The following CSMD1 variants were observed in gnomAD, a reference collection of about 807,000 sequenced individuals.
CSMD1 encodes CUB and Sushi multiple domains 1, also known as CUB and sushi domain-containing protein 1.
CSMD1 carries 213 observed loss-of-function variants against 417.5 expected under a neutral mutation model. The observed-to-expected ratio is 0.51, with a 90% CI of 0.46 to 0.57. CSMD1 has a LOEUF of 0.57. Ranked by LOEUF, CSMD1 falls within the 20% of genes least tolerant of loss-of-function variation. The probability of loss-of-function intolerance (pLI) is 0.00; values close to 1 mark genes in which losing one functional copy is unlikely to be tolerated. For missense variants in CSMD1, 6,923 were observed against 4,529.7 expected, an observed-to-expected ratio of 1.53 and a Z score of -15.17; for synonymous variants, 2,862 against 1,736.8, an observed-to-expected ratio of 1.65 and a Z score of -16.11.
intron 2 of CSMD1, among the ~76,000 whole-genome samples, chr8:4,535,812 T>C (rs1043161988): frequency 6.6e-6 from 1 of 152,196 alleles, no homozygotes; most frequent in Non-Finnish European, 1.5e-5. Context: ...ATTTTCCCTT[T>C]CTTTAAAGGA....
chr8:3,518,993 TGA>T (rs1797394091), intron 10 of CSMD1, among the ~76,000 whole-genome samples: 1 of 152,210 alleles, frequency 6.6e-6, no homozygotes, highest in Non-Finnish European at 1.5e-5. Flanking sequence ...GAAATATAAA[TGA>T]TCTGTTTTTA....
rs542374157 is a variant in CSMD1, at chr8:4,180,782, T to C, written c.416-148683A>G. On this transcript the variant is annotated intron_variant, in intron 3 of 69. Transcript: ENST00000635120. Reference sequence around the variant, plus strand: ...CTTATCTAACATTGTGTTAATCTAATATCTGTATGTCTTTGGTACAAGAGT... The same window carrying C: ...CTTATCTAACATTGTGTTAATCTAACATCTGTATGTCTTTGGTACAAGAGT... Among the ~76,000 whole-genome samples the C allele has an allele frequency of 3.1e-4, 47 of 152,268 alleles. 1 individual carries two copies. The highest frequency in any genetic ancestry group is 3.4e-3 in the Middle Eastern group (1 of 294).
chr8:4,903,343 T>G (rs150756392), intron 1 of CSMD1, among the ~76,000 whole-genome samples: 1,600 of 152,316 alleles, frequency 0.011, 7 homozygotes, highest in Non-Finnish European at 0.018. Flanking sequence ...CTTTGATAAG[T>G]AGCTCTTAAA....
chr8:3,539,763 T>TGA (rs376350423), intron 10 of CSMD1, among the ~76,000 whole-genome samples: 1 of 129,736 alleles, frequency 7.7e-6, no homozygotes, highest in Non-Finnish European at 1.7e-5. Flanking sequence ...TTCTTTATGA[T>TGA]AAAAAAAAAA....
rs200776459 is a variant in CSMD1 at position 3,411,954 on chromosome 8, A to G, written c.1562-2349T>C. 7.2e-3 allele frequency among the ~76,000 whole-genome samples: 345 copies of G among 48,172 alleles called. 21 individuals carry two copies. Among genetic ancestry groups the G allele is most frequent in the Middle Eastern group, 0.017 (1 of 58 alleles). 31.6% of individuals were successfully genotyped at this position (48,172 alleles called of 152,430 possible). Reference sequence around the variant, plus strand: ...TACACGTATATATGCACGTATATATACACGTATATATGCACGTATATATAC... The same window carrying G: ...TACACGTATATATGCACGTATATATGCACGTATATATGCACGTATATATAC... On this transcript the variant is annotated intron_variant, in intron 12 of 69. Coordinates refer to ENST00000635120, the MANE Select transcript of CSMD1 (RefSeq NM_033225.6).
At chr8:4,395,494 C>T (rs1219197901) in intron 3 of CSMD1, among the ~76,000 whole-genome samples, 1 of 151,562 alleles carries the variant, frequency 6.6e-6, no homozygotes, top group African/African-American at 2.4e-5. Context: ...TACAAATCTC[C>T]ACCCCTCACT....
chr8:4,428,691 G>A (rs558571346), intron 2 of CSMD1, among the ~76,000 whole-genome samples: 1 of 151,770 alleles, frequency 6.6e-6, no homozygotes, highest in Non-Finnish European at 1.5e-5. Flanking sequence ...AATAATCCAG[G>A]GTTCATTTTA....
In CSMD1 at chr8:3,348,120, G is replaced by A. The variant is rs375550858; in HGVS notation, c.3346C>T (p.Leu1116=). ...ASVKGNEGTL[L]SPNFPSNYDN... The stretch of plus-strand genomic sequence containing the variant: ...TAATTGGATGGAAAATTTGGAGACA[G>A]TAATGTTCCTTCATTTCCTTTGACA... The change falls in exon 22 of 70, where the codon CTG becomes TTG. Residue 1116 remains leucine, a synonymous_variant. Transcript: ENST00000635120. 5.3e-5 allele frequency: 85 copies of A among 1,612,372 alleles called. No individual in the cohort carries two copies. Among genetic ancestry groups the A allele is most frequent in the Non-Finnish European group, 6.3e-5 (74 of 1,179,204 alleles).
chr8:4,170,065 G>A (rs1163852410), intron 3 of CSMD1, among the ~76,000 whole-genome samples: 1 of 151,802 alleles, frequency 6.6e-6, no homozygotes. Context: ...CTCTAGGTAA[G>A]GAATTGTGGG....
At chr8:3,909,926 T>G (rs1327164684) in intron 5 of CSMD1, among the ~76,000 whole-genome samples, 1 of 152,108 alleles carries the variant, frequency 6.6e-6, no homozygotes, top group East Asian at 1.9e-4. Flanking sequence ...GGACTCTAAT[T>G]AGACAAGGAA....
chr8:3,460,970 A>T (rs907010631), intron 12 of CSMD1, among the ~76,000 whole-genome samples: 1 of 152,110 alleles, frequency 6.6e-6, no homozygotes, highest in Non-Finnish European at 1.5e-5. Flanking sequence ...CAGTAACAAT[A>T]AGTTTGTTCT....
chr8:3,404,010 T>C (rs1457955772), intron 15 of CSMD1, among the ~76,000 whole-genome samples: 1 of 152,170 alleles, frequency 6.6e-6, no homozygotes, highest in East Asian at 1.9e-4. Context: ...CCACAAATTG[T>C]TTTAACAATG....
intron 6 of CSMD1, among the ~76,000 whole-genome samples, chr8:3,727,244 G>T (rs1199010793): frequency 6.6e-6 from 1 of 152,126 alleles, no homozygotes; most frequent in Non-Finnish European, 1.5e-5. Context: ...ATCACAAGAG[G>T]AAAACTAACC....
intron 5 of CSMD1, among the ~76,000 whole-genome samples, chr8:3,941,219 G>C (rs546708605): frequency 1.3e-5 from 2 of 152,042 alleles, no homozygotes; most frequent in Non-Finnish European, 1.5e-5. Context: ...CAATTCAAAA[G>C]TTCCTAGCAA....
chr8:4,607,168 T>C (rs947133166), intron 2 of CSMD1, among the ~76,000 whole-genome samples: 1 of 152,170 alleles, frequency 6.6e-6, no homozygotes, highest in Non-Finnish European at 1.5e-5. Flanking sequence ...ACGATCCTTG[T>C]ACTCAAGGAA....
chr8:3,281,815 TC>T (rs1802762870), intron 26 of CSMD1, among the ~76,000 whole-genome samples: 1 of 152,142 alleles, frequency 6.6e-6, no homozygotes, highest in African/African-American at 2.4e-5. Context: ...TGAATTGTAA[TC>T]CCCACTGTTG....
intron 2 of CSMD1, among the ~76,000 whole-genome samples, chr8:4,454,467 C>G (rs949313911): frequency 6.6e-6 from 1 of 152,180 alleles, no homozygotes; most frequent in African/African-American, 2.4e-5. Context: ...AGTATAAACT[C>G]TTCAAGTATT....
At chr8:4,465,418 C>T (rs1375629378) in intron 2 of CSMD1, among the ~76,000 whole-genome samples, 3 of 152,118 alleles carry the variant, frequency 2.0e-5, no homozygotes, top group African/African-American at 4.8e-5. Flanking sequence ...CTGAAGGAGC[C>T]TTGTACGTTC....
intron 2 of CSMD1, among the ~76,000 whole-genome samples, chr8:4,603,358 A>T (rs13260653): frequency 0.64 from 97,416 of 151,852 alleles, 35,208 homozygotes; most frequent in Non-Finnish European, 0.8. Flanking sequence ...ATTTAAACTC[A>T]TATCAAAACA....
Sources: gnomAD v4.1 joint callset for allele counts (sites outside exome capture counted in the v4.1 genomes callset) on GRCh38, gnomAD v4.1.1 for gene constraint, MANE v1.5 for transcripts, NCBI Gene and HGNC (gene_info 2026-07-23, HGNC 2026-07-21) for gene names.